TBCE: variants seen among roughly 807,000 people sequenced by gnomAD.
The protein encoded by TBCE is tubulin-specific chaperone E.
TBCE carries 53 observed loss-of-function variants against 77.0 expected under a neutral mutation model. The observed-to-expected ratio is 0.69, with a 90% CI of 0.55 to 0.87. TBCE has a LOEUF of 0.87. TBCE is among the 40% of genes least tolerant of loss of function. The probability of loss-of-function intolerance (pLI) is 0.00; values close to 1 mark genes in which losing one functional copy is unlikely to be tolerated. For synonymous variants in TBCE, 235 were observed against 241.3 expected (o/e 0.97, Z 0.24); for missense variants, 624 against 622.4 (o/e 1.00, Z -0.03).
chr1:235,392,445 T>C (rs1287458699), intron 2 of TBCE, among the ~76,000 whole-genome samples: 3 of 147,978 alleles, frequency 2.0e-5, no homozygotes, highest in South Asian at 2.2e-4. Context: ...AGTCTCGCTC[T>C]TGTTGCCCAG....
intron 2 of TBCE, among the ~76,000 whole-genome samples, chr1:235,384,352 C>T (rs2102821671): frequency 1.4e-5 from 2 of 144,060 alleles, no homozygotes; most frequent in South Asian, 2.3e-4. Flanking sequence ...GGGAGGATTC[C>T]CTCTTTTTCT....
rs547561741 is a variant in TBCE at position 235,432,306 on chromosome 1, A to G, written c.660+1502A>G. 6.6e-5 allele frequency among the ~76,000 whole-genome samples: 10 copies of G among 152,268 alleles called. 1 individual carries two copies. In the South Asian group the frequency reaches 2.1e-3, roughly 32 times the overall value. ...GCTTGGGCATTCCACTTTCAAACCA[A>G]GGGTGTAGAAATACATTCCCAGCCA... On this transcript the variant is annotated intron_variant, in intron 7 of 16. Transcript: ENST00000642610.
Position 235,380,158 on chromosome 1 carries a change from TTATTGTGTGTGTGTGTGTGTG to T in TBCE, c.100+11_100+31del, listed in dbSNP as rs770260409. ...TGTCCCTCCCGTGGCAGGTAAGCAA[TTATTGTGTGTGTGTGTGTGTG>T]TGTGTGTGTGTGTGTGTGTGTGTGT... On this transcript the variant is annotated intron_variant, in intron 2 of 16. Transcript: ENST00000642610. The T allele has an allele frequency of 6.4e-7, 1 of 1,555,262 alleles. No individual in the cohort carries two copies. The highest frequency in any genetic ancestry group is 2.3e-5 in the East Asian group (1 of 43,344).
intron 2 of TBCE, among the ~76,000 whole-genome samples, chr1:235,385,387 T>C (rs1677937129): frequency 6.6e-6 from 1 of 152,090 alleles, no homozygotes; most frequent in Non-Finnish European, 1.5e-5. Flanking sequence ...ACTTTCTGTC[T>C]CGTTGATCTG....
At chr1:235,428,758 C>T (rs1680895135) in intron 6 of TBCE, among the ~76,000 whole-genome samples, 2 of 151,044 alleles carry the variant, frequency 1.3e-5, no homozygotes, top group African/African-American at 4.9e-5. Flanking sequence ...ATTCTGCTGC[C>T]TCAGCCTCCT....
chr1:235,399,762 C>T (rs1325132118), intron 2 of TBCE, among the ~76,000 whole-genome samples: 1 of 152,200 alleles, frequency 6.6e-6, no homozygotes, highest in Non-Finnish European at 1.5e-5. Flanking sequence ...GCTGTTGGAA[C>T]CCCAGCTGTT....
intron 15 of TBCE, among the ~76,000 whole-genome samples, chr1:235,446,333 T>C (rs1415832047): frequency 6.6e-6 from 1 of 152,074 alleles, no homozygotes; most frequent in Admixed American, 6.6e-5. Context: ...CCCGCCACCA[T>C]GCCTGGCTAA....
Position 235,449,987 on chromosome 1 carries a change from AG to A in TBCE, c.*1226del. The A allele has an allele frequency of 2.4e-6, 1 of 413,578 alleles. No homozygotes were observed. The highest frequency in any genetic ancestry group is 4.0e-5 in the Admixed American group (1 of 24,836). 25.6% of individuals were successfully genotyped at this position (413,578 alleles called of 1,614,324 possible). ...GGTATTTTTCTGATAATCTTCCAAT[AG>A]ATAAATAAAAACTTTTCTTATGCTA... On this transcript the variant is annotated 3_prime_UTR_variant, in exon 17 of 17. Coordinates refer to ENST00000642610, the MANE Select transcript of TBCE (RefSeq NM_003193.5).
In TBCE at chr1:235,419,562, G is replaced by A; in HGVS notation, c.460+1G>A. On this transcript the variant is annotated splice_donor_variant, in intron 5 of 16. Transcript: ENST00000642610. LOFTEE classifies it high-confidence loss of function. The stretch of plus-strand genomic sequence containing the variant: ...GGAGGAGTTGCTGAAGCATGTCCTA[G>A]TATCCTTTTCACCGAGAGCTTGTTA... The A allele has an allele frequency of 6.2e-7, 1 of 1,614,060 alleles. No homozygotes were observed.
At chr1:235,402,244 A>G (rs1464036137) in intron 3 of TBCE, among the ~76,000 whole-genome samples, 2 of 151,730 alleles carry the variant, frequency 1.3e-5, no homozygotes, top group African/African-American at 2.4e-5. Flanking sequence ...CTGTACTTTT[A>G]GTGGAGACGA....
intron 2 of TBCE, among the ~76,000 whole-genome samples, chr1:235,399,751 G>A (rs974950871): frequency 1.1e-4 from 16 of 152,210 alleles, no homozygotes; most frequent in Admixed American, 9.8e-4. Context: ...ACAAAGAGGG[G>A]GCTGTTGGAA....
At chr1:235,446,869 A>C (rs1277537621) in intron 15 of TBCE, among the ~76,000 whole-genome samples, 2 of 151,938 alleles carry the variant, frequency 1.3e-5, no homozygotes, top group East Asian at 1.9e-4. Flanking sequence ...TTTTTTGTAG[A>C]GATGGGGTAT....
intron 5 of TBCE, among the ~76,000 whole-genome samples, chr1:235,424,327 T>C (rs985067588): frequency 6.7e-6 from 1 of 148,428 alleles, no homozygotes; most frequent in Admixed American, 6.7e-5. Context: ...GAGCTCTTTT[T>C]TTTTTTTTTT....
chr1:235,386,627 T>C lies in TBCE; in HGVS notation c.100+6478T>C, dbSNP rs1407470823. The stretch of plus-strand genomic sequence containing the variant: ...GCTTCTGCATTCTTCACGTAGTTCT[T>C]GAGCCTTGGCTTTCAGCTCCATCAG... On this transcript the variant is annotated intron_variant, in intron 2 of 16. Coordinates refer to ENST00000642610, the MANE Select transcript of TBCE (RefSeq NM_003193.5). Among the ~76,000 whole-genome samples the C allele has an allele frequency of 2.6e-5, 4 of 152,244 alleles. No homozygotes were observed. The East Asian group carries it at 7.7e-4, about 29-fold the overall frequency.
chr1:235,383,851 A>G (rs1031755677), intron 2 of TBCE, among the ~76,000 whole-genome samples: 3 of 151,972 alleles, frequency 2.0e-5, no homozygotes, highest in Non-Finnish European at 2.9e-5. Context: ...TTCCAACACT[A>G]TGTTGAATAG....
chr1:235,380,888 C>T (rs902403552), intron 2 of TBCE, among the ~76,000 whole-genome samples: 5 of 152,052 alleles, frequency 3.3e-5, no homozygotes, highest in Admixed American at 2.0e-4. Context: ...TGGGTTCAAG[C>T]GATTCTCCTG....
At chr1:235,429,288 C>T (rs1680953313) in intron 6 of TBCE, 1 of 152,170 alleles carries the variant, frequency 6.6e-6, no homozygotes, top group African/African-American at 2.4e-5. Context: ...CATGTCCCGC[C>T]TCTTTAAGGA....
At chr1:235,367,979 T>C (rs866783355) in intron 1 of TBCE, among the ~76,000 whole-genome samples, 41 of 152,212 alleles carry the variant, frequency 2.7e-4, no homozygotes, top group Admixed American at 7.2e-4. Context: ...GATCTCGGCT[T>C]ACTGCAACCT....
At chr1:235,407,126 GC>G (rs1427428211) in intron 3 of TBCE, among the ~76,000 whole-genome samples, 1 of 149,470 alleles carries the variant, frequency 6.7e-6, no homozygotes, top group Non-Finnish European at 1.5e-5. Flanking sequence ...ACTGCACCTG[GC>G]CCCCGCCTTT....
Sources: allele counts gnomAD v4.1 joint callset (sites outside exome capture counted in the v4.1 genomes callset), GRCh38; gene constraint gnomAD v4.1.1; transcripts MANE v1.5; gene names NCBI Gene and HGNC (gene_info 2026-07-23, HGNC 2026-07-21).